MYH2: variants seen among roughly 807,000 people sequenced by gnomAD.
MYH2 encodes myosin heavy chain 2, also known as myosin-2.
MYH2 carries 139 observed loss-of-function variants against 228.1 expected under a neutral mutation model. That is an observed-to-expected ratio of 0.61 (90% CI 0.53 to 0.70). MYH2 has a LOEUF of 0.70. MYH2 is among the 30% of genes least tolerant of loss of function. The pLI is 0.00. For synonymous variants in MYH2, 796 were observed against 871.1 expected (o/e 0.91, Z 1.52); for missense variants, 1,809 against 2,357.5 (o/e 0.77, Z 4.82).
chr17:10,546,255 TGATATATATATATATATATA>T (rs1481020803), intron 4 of MYH2, among the ~76,000 whole-genome samples: 1 of 27,146 alleles, frequency 3.7e-5, no homozygotes, highest in Non-Finnish European at 6.3e-5. Flanking sequence ...GGACACGAAA[TGATATATATATATATATATA>T]TATATATATA....
chr17:10,524,444 A>G lies in MYH2; in HGVS notation c.5175+22T>C, dbSNP rs761957645. 6.2e-7 allele frequency: 1 copy of G among 1,613,886 alleles called. No homozygotes were observed. Among genetic ancestry groups the G allele is most frequent in the Admixed American group, 1.7e-5 (1 of 60,000 alleles). Reference sequence around the variant, plus strand: ...GGGACATATAAAATTTACTAAGGAGAGTTCTTTGTGCTGAATCCCACCTGG... The same window carrying G: ...GGGACATATAAAATTTACTAAGGAGGGTTCTTTGTGCTGAATCCCACCTGG... On this transcript the variant is annotated intron_variant, in intron 35 of 39. Coordinates refer to ENST00000245503, the MANE Select transcript of MYH2 (RefSeq NM_017534.6). The surrounding 1 kb of genome is among the most constrained non-coding windows in gnomAD (Gnocchi z 4.7).
In MYH2 at chr17:10,542,967, A is replaced by G; in HGVS notation, c.812T>C (p.Leu271Pro). The G allele has an allele frequency of 6.2e-7, 1 of 1,610,672 alleles. No homozygotes were observed. Among genetic ancestry groups the G allele is most frequent in the Non-Finnish European group, 8.5e-7 (1 of 1,177,030 alleles). ...LASADIETYL[L>P]EKSRVVFQLK... ...CTGGAAAACAACTCTAGACTTCTCT[A>G]GCAGATCTGGAAGGAAACAAATAAC... is the stretch of plus-strand genomic sequence containing the variant. Residue 271 changes from leucine (L) to proline (P), a missense_variant, in exon 10 of 40, where the codon CTA (leucine) becomes CCA (proline). By Grantham distance (98) the Leu-to-Pro change is moderately conservative. Coordinates refer to ENST00000245503, the MANE Select transcript of MYH2 (RefSeq NM_017534.6).
At position 10,529,214 on chromosome 17, in the gene MYH2, T is replaced by C; in HGVS notation, c.3302A>G (p.Glu1101Gly). ...FEISNLQSKI[E>G]DEQALGIQLQ... is the part of the protein sequence containing the mutation. Reference sequence around the variant, plus strand: ...TTGAATGCCAAGTGCCTGTTCATCTTCAATCTTGCTTTGCAGATTGCTGAT... The same window carrying C: ...TTGAATGCCAAGTGCCTGTTCATCTCCAATCTTGCTTTGCAGATTGCTGAT... The change falls in exon 26 of 40, where the codon GAA becomes GGA. Residue 1101 changes from glutamate to glycine, a missense_variant. Glu to Gly is a moderately conservative substitution (Grantham distance 98, BLOSUM62 -2). Transcript: ENST00000245503. The C allele has an allele frequency of 6.2e-7, 1 of 1,614,264 alleles. No homozygotes were observed. The highest frequency in any genetic ancestry group is 8.5e-7 in the Non-Finnish European group (1 of 1,180,048).
At position 10,540,451 on chromosome 17, in the gene MYH2, C is replaced by T. The variant is rs944925820; in HGVS notation, c.1008+143G>A. 5.3e-6 allele frequency: 4 copies of T among 750,708 alleles called. No individual in the cohort carries two copies. The Admixed American group carries it at 8.1e-5, about 15-fold the overall frequency. 46.5% of individuals were successfully genotyped at this position (750,708 alleles called of 1,614,324 possible). On this transcript the variant is annotated intron_variant, in intron 11 of 39. Transcript: ENST00000245503. ...CAAAATGTTATAGGGGCACATCATA[C>T]TCTTTTCATTTGACTCCAAGGGGCA...
chr17:10,526,515 T>C, intron 30 of MYH2, 84 bp downstream of exon 30: 2 of 1,587,876 alleles, frequency 1.3e-6, no homozygotes, highest in East Asian at 2.2e-5. Flanking sequence ...ATTTGTGGAC[T>C]AATTCACTGA....
chr17:10,526,699 G>C lies in MYH2; in HGVS notation c.4087C>G (p.Leu1363Val). The change falls in exon 30 of 40, where the codon CTG (leucine) becomes GTG (valine). Residue 1363 changes from leucine to valine, a missense_variant. Transcript: ENST00000245503. ...YEEEQESKAELQRALSKANTE... is the reference protein window; with the variant it reads ...YEEEQESKAEVQRALSKANTE... ...TTGGCCTTGGACAGTGCTCTCTGCAGCTCGGCCTTGGATTCCTGCTCCTCC... is the reference window on the plus strand; with the variant it reads ...TTGGCCTTGGACAGTGCTCTCTGCACCTCGGCCTTGGATTCCTGCTCCTCC... 6.2e-7 allele frequency: 1 copy of C among 1,614,150 alleles called. No individual in the cohort carries two copies. Among genetic ancestry groups the C allele is most frequent in the Non-Finnish European group, 8.5e-7 (1 of 1,179,978 alleles).
intron 14 of MYH2, among the ~76,000 whole-genome samples, 196 bp from the exon 15 acceptor site, chr17:10,538,031 G>C (rs754180960): frequency 9.2e-5 from 14 of 152,140 alleles, no homozygotes; most frequent in Non-Finnish European, 1.8e-4. Context: ...CTATTTTTCT[G>C]CTGTCATTTT....
At chr17:10,523,019 G>A (rs1157115502) in intron 39 of MYH2, 71 bp downstream of exon 39, 10 of 1,096,084 alleles carry the variant, frequency 9.1e-6, no homozygotes, top group Non-Finnish European at 1.4e-5. Flanking sequence ...AAAGCAAACA[G>A]CTTGTTCACT....
In MYH2 at chr17:10,523,841, A is replaced by G. The variant is rs1041659942; in HGVS notation, c.5219T>C (p.Ile1740Thr). ...CTCCATCTCTCCTTGCATTTGGGAA[A>G]TATCTGTCTCCAGCTTCTTCTTGGT... ...INTKKKLETD[I>T]SQMQGEMEDI... The change falls in exon 36 of 40, where the codon ATT becomes ACT. Residue 1740 changes from isoleucine to threonine, a missense_variant. Transcript: ENST00000245503. 5 of 1,613,910 alleles carry G rather than the reference A, an allele frequency of 3.1e-6. No individual in the cohort carries two copies. Among genetic ancestry groups the G allele is most frequent in the Non-Finnish European group, 4.2e-6 (5 of 1,179,942 alleles).
At chr17:10,545,801 T>C (rs555936696) in intron 4 of MYH2, among the ~76,000 whole-genome samples, 1 of 152,246 alleles carries the variant, frequency 6.6e-6, no homozygotes, top group Non-Finnish European at 1.5e-5. Context: ...ATTAATTGAA[T>C]TTTAACAAAA....
At chr17:10,538,060 A>G (rs140005461) in intron 14 of MYH2, among the ~76,000 whole-genome samples, 334 of 152,316 alleles carry the variant, frequency 2.2e-3, no homozygotes, top group African/African-American at 7.6e-3. Flanking sequence ...TCCTACCATT[A>G]TGATATTCTT....
chr17:10,539,223 A>C lies in MYH2; in HGVS notation c.1398T>G (p.Ala466=). ...RQYFIGVLDI[A]GFEIFDFNSL... is the part of the protein sequence containing the mutation. ...AACTCACATCAAAAATCTCAAAACCAGCAATGTCCAAGACCCCGATGAAGT... is the reference window on the plus strand; with the variant it reads ...AACTCACATCAAAAATCTCAAAACCCGCAATGTCCAAGACCCCGATGAAGT... Residue 466 remains alanine (A), a synonymous_variant, in exon 14 of 40, where the codon GCT becomes GCG. Transcript: ENST00000245503. 6.2e-7 allele frequency: 1 copy of C among 1,614,194 alleles called. No homozygotes were observed. The highest frequency in any genetic ancestry group is 1.1e-5 in the South Asian group (1 of 91,082).
chr17:10,530,099 T>C, intron 22 of MYH2, 25 bp from the exon 23 acceptor site: 3 of 1,614,210 alleles, frequency 1.9e-6, no homozygotes, highest in Non-Finnish European at 2.5e-6. Flanking sequence ...AAGATCAAAA[T>C]TGGGAAGAAA....
At chr17:10,542,741 C>G in intron 10 of MYH2, 134 bp downstream of exon 10, 1 of 559,686 alleles carries the variant, frequency 1.8e-6, no homozygotes, top group South Asian at 3.2e-5. Flanking sequence ...AAATTTTTAC[C>G]AAACTCACAA....
Position 10,537,368 on chromosome 17 carries a change from C to T in MYH2, c.1762G>A (p.Val588Ile), listed in dbSNP as rs1348155208. ...AHFALIHYAG[V>I]VDYNITGWLE... ...CAGCCAGTAATGTTGTAGTCCACAA[C>T]ACCAGCATAGTGAATCAGAGCGAAG... The change falls in exon 16 of 40, where the codon GTT (valine) becomes ATT (isoleucine). Residue 588 changes from valine to isoleucine, a missense_variant. By Grantham distance (29) the Val-to-Ile change is conservative (BLOSUM62 3). This residue lies in a region of MYH2 where 41 missense variants were observed against 35.1 expected (regional missense o/e 1.17). Coordinates refer to ENST00000245503, the MANE Select transcript of MYH2 (RefSeq NM_017534.6). The surrounding 1 kb of genome is among the most constrained non-coding windows in gnomAD (Gnocchi z 4.0). 2 of 1,614,114 alleles carry T rather than the reference C, an allele frequency of 1.2e-6. No homozygotes were observed. The highest frequency in any genetic ancestry group is 1.3e-5 in the African/African-American group (1 of 74,936).
At chr17:10,530,533 A>AATT (rs569773311) in intron 22 of MYH2, among the ~76,000 whole-genome samples, 9 of 148,840 alleles carry the variant, frequency 6.0e-5, no homozygotes, top group Admixed American at 6.0e-4. Context: ...GCTGCTACTG[A>AATT]TTTTTTTTTT....
In MYH2 at chr17:10,525,519, A is replaced by G. The variant is rs149363769; in HGVS notation, c.4469T>C (p.Ile1490Thr). ...CAAAGATTCCTCATAGGCATTCTTTATCTTGAACAGCTCAGTGCCAAGGGA... is the reference window on the plus strand; with the variant it reads ...CAAAGATTCCTCATAGGCATTCTTTGTCTTGAACAGCTCAGTGCCAAGGGA... ...ARSLGTELFK[I>T]KNAYEESLDQ... The change falls in exon 32 of 40, where the codon ATA becomes ACA. Residue 1490 changes from isoleucine (I) to threonine (T), a missense_variant. Coordinates refer to ENST00000245503, the MANE Select transcript of MYH2 (RefSeq NM_017534.6). The surrounding 1 kb of genome is among the most constrained non-coding windows in gnomAD (Gnocchi z 4.2). The G allele has an allele frequency of 1.2e-6, 2 of 1,614,228 alleles. No homozygotes were observed. Among genetic ancestry groups the G allele is most frequent in the Non-Finnish European group, 1.7e-6 (2 of 1,180,046 alleles).
chr17:10,528,161 A>T (rs758162745), intron 27 of MYH2, among the ~76,000 whole-genome samples: 1 of 150,156 alleles, frequency 6.7e-6, no homozygotes, highest in Non-Finnish European at 1.5e-5. Context: ...CTCCTGCCTC[A>T]GCCTCCTGAA....
Position 10,523,636 on chromosome 17 carries a change from C to T in MYH2, c.5332G>A (p.Glu1778Lys), listed in dbSNP as rs867958590. ...AAMMAEELKK[E>K]QDTSAHLERM... ...TCCAGGTGGGCGCTGGTGTCCTGCT[C>T]CTTCTTCAGCTCCTCAGCCATCATG... Residue 1778 changes from glutamate (E) to lysine (K), a missense_variant, in exon 37 of 40, where the codon GAG (glutamate) becomes AAG (lysine). Glu to Lys is a moderately conservative substitution (Grantham distance 56). Transcript: ENST00000245503. 3.7e-6 allele frequency: 6 copies of T among 1,614,036 alleles called. No individual in the cohort carries two copies. The highest frequency in any genetic ancestry group is 5.1e-6 in the Non-Finnish European group (6 of 1,180,024).
Sources: gnomAD v4.1 joint callset for allele counts (sites outside exome capture counted in the v4.1 genomes callset) on GRCh38, gnomAD v4.1.1 for gene constraint, gnomAD v4.1.1 regional missense constraint, Gnocchi (gnomAD v3.1) non-coding constraint, MANE v1.5 for transcripts, NCBI Gene and HGNC (gene_info 2026-07-23, HGNC 2026-07-21) for gene names.